The following MAPK10 variants were observed in gnomAD, a reference collection of about 807,000 sequenced individuals.
The protein encoded by MAPK10 is mitogen-activated protein kinase 10.
A neutral mutation model predicts 59.3 loss-of-function variants in MAPK10; 25 were observed. That is an observed-to-expected ratio of 0.42 (90% CI 0.31 to 0.59). MAPK10 has a LOEUF of 0.59. MAPK10 is among the 20% of genes least tolerant of loss of function. The probability of loss-of-function intolerance (pLI) is 0.15; values close to 1 mark genes in which losing one functional copy is unlikely to be tolerated. For missense variants in MAPK10, 351 were observed against 568.9 expected (o/e 0.62, Z 3.90); for synonymous variants, 190 against 200.5 (o/e 0.95, Z 0.44).
chr4:86,221,095 C>A (rs1460769), intron 2 of MAPK10, among the ~76,000 whole-genome samples: 70,397 of 152,106 alleles, frequency 0.46, 20,476 homozygotes, highest in African/African-American at 0.83. Flanking sequence ...GGGAAGTGCC[C>A]ATCAGTCAGG....
chr4:86,445,000 A>G (rs1197298971), intron 1 of MAPK10, among the ~76,000 whole-genome samples: 2 of 152,208 alleles, frequency 1.3e-5, no homozygotes, highest in African/African-American at 2.4e-5. Context: ...CCATTGTGGA[A>G]GACAGTGTGG....
At position 86,017,036 on chromosome 4, in the gene MAPK10, G is replaced by C; in HGVS notation, c.*192C>G. The C allele has an allele frequency of 1.8e-6, 1 of 559,826 alleles. No individual in the cohort carries two copies. Among genetic ancestry groups the C allele is most frequent in the Non-Finnish European group, 3.1e-6 (1 of 325,360 alleles). The allele number at this position is 559,826 out of a possible 1,614,324, so 34.7% of individuals were successfully genotyped here. ...AACTAGAAGTTAAATATACATTTGAGCTTAGCTGCAATACAGAACCCTGGG... is the reference window on the plus strand; with the variant it reads ...AACTAGAAGTTAAATATACATTTGACCTTAGCTGCAATACAGAACCCTGGG... On this transcript the variant is annotated 3_prime_UTR_variant, in exon 14 of 14. Coordinates refer to ENST00000641462, the MANE Select transcript of MAPK10 (RefSeq NM_138982.4). The surrounding 1 kb of genome is among the most constrained non-coding windows in gnomAD (Gnocchi z 4.4).
chr4:86,527,264 A>C (rs1308896243), intron 1 of MAPK10, among the ~76,000 whole-genome samples: 1 of 143,674 alleles, frequency 7.0e-6, no homozygotes. Flanking sequence ...GGGAGCTGTA[A>C]TCGTCCCACT....
intron 1 of MAPK10, among the ~76,000 whole-genome samples, chr4:86,574,175 G>A (rs866219714): frequency 1.9e-4 from 29 of 150,490 alleles, no homozygotes; most frequent in Middle Eastern, 3.4e-3. Flanking sequence ...TTGTCCTTGC[G>A]ACAGTTTACT....
Position 86,011,943 on chromosome 4 carries a change from A to G in MAPK10, c.*5285T>C, listed in dbSNP as rs1321909980. 2.0e-5 allele frequency: 3 copies of G among 152,226 alleles called. No individual in the cohort carries two copies. The highest frequency in any genetic ancestry group is 4.4e-5 in the Non-Finnish European group (3 of 68,048). The allele number at this position is 152,226 out of a possible 1,614,324, so 9.4% of individuals were successfully genotyped here. A position where few individuals can be genotyped will look rare whatever the true frequency, so the allele number is the denominator to read the frequency against. The stretch of plus-strand genomic sequence containing the variant: ...GACCTCTTCATCCAGCCACAAAATC[A>G]TATATATTTTTAATTCTCCAAGGAG... On this transcript the variant is annotated 3_prime_UTR_variant, in exon 14 of 14. Coordinates refer to ENST00000641462, the MANE Select transcript of MAPK10 (RefSeq NM_138982.4).
exon 1 of MAPK10, chr4:86,453,119 C>T (rs2149056631): frequency 6.6e-6 from 1 of 152,394 alleles, no homozygotes; most frequent in East Asian, 1.9e-4. Context: ...GGTCCCCTGC[C>T]ACGCCATTTC....
chr4:86,416,643 C>A lies in MAPK10; in HGVS notation c.-122+36387G>T, dbSNP rs531744306. Reference sequence around the variant, plus strand: ...ATTTTAAGAGGAGCAAGACCTGGTACATGAAGCTACCTCAGTGTGCACCTT... The same window carrying A: ...ATTTTAAGAGGAGCAAGACCTGGTAAATGAAGCTACCTCAGTGTGCACCTT... On this transcript the variant is annotated intron_variant, in intron 1 of 13. Coordinates refer to the MAPK10 transcript ENST00000361569. Among the ~76,000 whole-genome samples, 4 of 152,318 alleles carry A rather than the reference C, an allele frequency of 2.6e-5. 1 individual carries two copies. The South Asian group carries it at 8.3e-4, about 32-fold the overall frequency.
intron 1 of MAPK10, among the ~76,000 whole-genome samples, chr4:86,436,136 C>G (rs186795416): frequency 6.6e-6 from 1 of 152,236 alleles, no homozygotes; most frequent in East Asian, 1.9e-4. Context: ...TTCATAACCC[C>G]TCTTCCCTGG....
intron 9 of MAPK10, chr4:86,095,322 C>A (rs1210351343): frequency 6.6e-6 from 1 of 151,644 alleles, no homozygotes; most frequent in Non-Finnish European, 1.5e-5. Flanking sequence ...ATAAGATTCT[C>A]TGATTTGTCA....
At chr4:86,098,800 T>C in intron 8 of MAPK10, 1 of 498,392 alleles carries the variant, frequency 2.0e-6, no homozygotes. Flanking sequence ...AAATTAATGT[T>C]TAAAAACCCA....
intron 3 of MAPK10, among the ~76,000 whole-genome samples, chr4:86,165,376 C>T (rs1390442655): frequency 2.0e-5 from 3 of 151,638 alleles, no homozygotes; most frequent in Non-Finnish European, 2.9e-5. Flanking sequence ...ATATGAGATT[C>T]GTTTGTTTGT....
intron 10 of MAPK10, among the ~76,000 whole-genome samples, 165 bp downstream of exon 10, chr4:86,067,608 A>G (rs2047003310): frequency 6.6e-6 from 1 of 152,174 alleles, no homozygotes; most frequent in Admixed American, 6.5e-5. Flanking sequence ...ATACCTCTAT[A>G]CATGTTTCAA....
At chr4:86,580,783 G>T (rs1024118231) in intron 1 of MAPK10, among the ~76,000 whole-genome samples, 17 of 152,148 alleles carry the variant, frequency 1.1e-4, no homozygotes, top group African/African-American at 3.4e-4. Flanking sequence ...AACTCATGTG[G>T]ACACACATTT....
chr4:86,235,425 G>T (rs1374530367), intron 2 of MAPK10, among the ~76,000 whole-genome samples: 2 of 152,188 alleles, frequency 1.3e-5, no homozygotes, highest in African/African-American at 4.8e-5. Context: ...GGATCTGGGT[G>T]CTGGTTCATA....
chr4:86,115,210 G>T (rs1289054436), intron 4 of MAPK10, among the ~76,000 whole-genome samples: 2 of 152,212 alleles, frequency 1.3e-5, no homozygotes, highest in Non-Finnish European at 2.9e-5. Context: ...TGATCCACAG[G>T]ATGCACAGAT....
intron 1 of MAPK10, among the ~76,000 whole-genome samples, chr4:86,490,398 A>G (rs891804476): frequency 6.6e-6 from 1 of 152,198 alleles, no homozygotes; most frequent in African/African-American, 2.4e-5. Flanking sequence ...TTGACTCTGT[A>G]CTATGTGGTA....
Position 86,433,355 on chromosome 4 carries a change from T to C in MAPK10, c.-122+19675A>G, listed in dbSNP as rs1361869933. On this transcript the variant is annotated intron_variant, in intron 1 of 13. Transcript: ENST00000361569. ...CCAGGACCCCCAGCTGGAGCCAACCTGCAGCTAATACCAAAATACAAAAGG... is the reference window on the plus strand; with the variant it reads ...CCAGGACCCCCAGCTGGAGCCAACCCGCAGCTAATACCAAAATACAAAAGG... Among the ~76,000 whole-genome samples the C allele has an allele frequency of 5.3e-5, 8 of 152,046 alleles. No individual in the cohort carries two copies. The East Asian group carries it at 1.5e-3, about 29-fold the overall frequency.
intron 2 of MAPK10, among the ~76,000 whole-genome samples, chr4:86,230,455 T>C (rs1583223897): frequency 6.6e-6 from 1 of 152,220 alleles, no homozygotes; most frequent in Non-Finnish European, 1.5e-5. Context: ...TTTAAAAATT[T>C]TAAAAATAGA....
intron 3 of MAPK10, among the ~76,000 whole-genome samples, chr4:86,172,247 T>C (rs1486045362): frequency 7.0e-6 from 1 of 141,944 alleles, no homozygotes; most frequent in Non-Finnish European, 1.5e-5. Flanking sequence ...GGACTATAAA[T>C]CATGGTGCTA....
Sources: allele counts gnomAD v4.1 joint callset (sites outside exome capture counted in the v4.1 genomes callset), GRCh38; gene constraint gnomAD v4.1.1; non-coding constraint Gnocchi (gnomAD v3.1); transcripts MANE v1.5; gene names NCBI Gene and HGNC (gene_info 2026-07-23, HGNC 2026-07-21).